DZIP1: variants seen among roughly 807,000 people sequenced by gnomAD.
DZIP1 encodes the protein cilium assembly protein DZIP1.
DZIP1 carries 97 observed loss-of-function variants against 107.6 expected under a neutral mutation model. The observed-to-expected ratio is 0.90, with a 90% confidence interval of 0.77 to 1.07. DZIP1 has a LOEUF of 1.07. Among genes scored for constraint, DZIP1 ranks in the 50% least tolerant of loss-of-function variants. The pLI is 0.00. For missense variants in DZIP1, 1,035 were observed against 1,063.6 expected, an observed-to-expected ratio of 0.97 and a Z score of 0.37; for synonymous variants, 390 against 386.4, an observed-to-expected ratio of 1.01 and a Z score of -0.11.
chr13:95,587,655 A>G lies in DZIP1; in HGVS notation c.2102T>C (p.Leu701Pro). The G allele has an allele frequency of 6.2e-7, 1 of 1,614,048 alleles. No homozygotes were observed. Among genetic ancestry groups the G allele is most frequent in the Non-Finnish European group, 8.5e-7 (1 of 1,179,986 alleles). The change falls in exon 20 of 23, where the codon CTT becomes CCT. Residue 701 changes from leucine (L) to proline (P), a missense_variant. Leu to Pro is a moderately conservative substitution (Grantham distance 98). Transcript: ENST00000376829. ...CTTGTTTTGTGGTGGCGGCACAGGAAGTGGGCCTGGGGATGCGTATGCCCG... is the reference window on the plus strand; with the variant it reads ...CTTGTTTTGTGGTGGCGGCACAGGAGGTGGGCCTGGGGATGCGTATGCCCG... ...LIRAYASPGPLPVPPPQNKGS... is the reference protein window; with the variant it reads ...LIRAYASPGPPPVPPPQNKGS...
At chr13:95,617,204 C>T (rs1875212188) in intron 10 of DZIP1, among the ~76,000 whole-genome samples, 1 of 137,036 alleles carries the variant, frequency 7.3e-6, no homozygotes, top group Non-Finnish European at 1.7e-5. Flanking sequence ...TCTGTCTCAC[C>T]CCAAAAAAAA....
In DZIP1 at chr13:95,642,126, C is replaced by A. The variant is rs1878608859; in HGVS notation, c.-97G>T. 19 of 1,407,532 alleles carry A rather than the reference C, an allele frequency of 1.3e-5. No individual in the cohort carries two copies. Among genetic ancestry groups the A allele is most frequent in the Non-Finnish European group, 1.7e-5 (18 of 1,082,860 alleles). 87.2% of individuals were successfully genotyped at this position (1,407,532 alleles called of 1,614,324 possible). On this transcript the variant is annotated 5_prime_UTR_variant, in exon 4 of 23. Coordinates refer to ENST00000376829, the MANE Select transcript of DZIP1 (RefSeq NM_198968.4). The stretch of plus-strand genomic sequence containing the variant: ...GGGAGAAGGCCGGGTTCCTCGCTTC[C>A]GCGGCGGCGGCGGCCTAAGGTCTGG...
At chr13:95,600,270 G>A (rs1405495331) in intron 14 of DZIP1, among the ~76,000 whole-genome samples, 1 of 152,132 alleles carries the variant, frequency 6.6e-6, no homozygotes, top group Non-Finnish European at 1.5e-5. Context: ...AGCAAAGTTG[G>A]TGCATGGTTC....
intron 15 of DZIP1, 99 bp from the exon 16 acceptor site, chr13:95,594,185 G>GT: frequency 7.4e-6 from 7 of 946,602 alleles, no homozygotes; most frequent in Non-Finnish European, 1.1e-5. Flanking sequence ...TAAGCAGCAA[G>GT]TAAGTATTTG....
chr13:95,585,966 G>C, intron 21 of DZIP1, 40 bp downstream of exon 21: 2 of 1,558,754 alleles, frequency 1.3e-6, no homozygotes, highest in Non-Finnish European at 1.7e-6. Context: ...GCTGTCCAAA[G>C]ACAAATTTAT....
At chr13:95,596,593 T>C (rs1234187433) in intron 15 of DZIP1, among the ~76,000 whole-genome samples, 3 of 152,182 alleles carry the variant, frequency 2.0e-5, no homozygotes, top group Non-Finnish European at 2.9e-5. Context: ...CTATGGACAG[T>C]AGAAAACCTG....
chr13:95,635,022 G>A (rs116172240), intron 5 of DZIP1, among the ~76,000 whole-genome samples: 2,196 of 151,488 alleles, frequency 0.014, 41 homozygotes, highest in African/African-American at 0.05. Flanking sequence ...CTATCCTTTT[G>A]CTGAAGGGGC....
chr13:95,615,252 A>G (rs73548734), intron 10 of DZIP1, among the ~76,000 whole-genome samples: 4 of 152,302 alleles, frequency 2.6e-5, no homozygotes, highest in South Asian at 2.1e-4. Context: ...CTCGCTTTCT[A>G]TTCCAGCCAG....
intron 6 of DZIP1, chr13:95,630,945 C>A: frequency 3.3e-6 from 1 of 300,172 alleles, no homozygotes; most frequent in Non-Finnish European, 6.5e-6. Context: ...TAAAATATTT[C>A]ATCTTTCCAA....
Position 95,622,587 on chromosome 13 carries a change from TTGGACGCTCC to T in DZIP1, c.973-117_973-108del, listed in dbSNP as rs1427338150. On this transcript the variant is annotated intron_variant, in intron 8 of 22. Coordinates refer to ENST00000376829, the MANE Select transcript of DZIP1 (RefSeq NM_198968.4). ...CTGTGTTTTAAATCTGACTGCCCTC[TTGGACGCTCC>T]TGGACGCTCTTGGACGCTTCTCCTG... 1.3e-4 allele frequency: 177 copies of T among 1,334,816 alleles called. No individual in the cohort carries two copies. The South Asian group carries it at 2.1e-3, about 16-fold the overall frequency. The allele number at this position is 1,334,816 out of a possible 1,614,324, so 82.7% of individuals were successfully genotyped here. A position where few individuals can be genotyped will look rare whatever the true frequency, so the allele number is the denominator to read the frequency against.
At chr13:95,621,142 C>A (rs7324901) in intron 9 of DZIP1, among the ~76,000 whole-genome samples, 5 of 149,830 alleles carry the variant, frequency 3.3e-5, no homozygotes, top group Admixed American at 6.6e-5. Context: ...TACCTGCCCC[C>A]CTGGCTGAAT....
chr13:95,608,812 G>A (rs1013685622), intron 13 of DZIP1, among the ~76,000 whole-genome samples: 9 of 152,160 alleles, frequency 5.9e-5, no homozygotes, highest in Admixed American at 1.3e-4. Context: ...GCCCATGAGC[G>A]TGGTGCTGTC....
At chr13:95,585,122 G>C (rs1003448165) in intron 21 of DZIP1, among the ~76,000 whole-genome samples, 3 of 152,114 alleles carry the variant, frequency 2.0e-5, no homozygotes, top group African/African-American at 7.2e-5. Flanking sequence ...TTTCGTTTCT[G>C]CCATGGAAAT....
chr13:95,634,672 T>C (rs1877587415), intron 5 of DZIP1, among the ~76,000 whole-genome samples: 1 of 152,254 alleles, frequency 6.6e-6, no homozygotes, highest in Non-Finnish European at 1.5e-5. Context: ...TCCTGGATAT[T>C]ATATATTTCA....
At chr13:95,633,752 C>T (rs759385438) in intron 5 of DZIP1, among the ~76,000 whole-genome samples, 61 of 150,814 alleles carry the variant, frequency 4.0e-4, no homozygotes, top group Non-Finnish European at 7.2e-4. Flanking sequence ...CTGAACGATA[C>T]CATCCTAGCA....
chr13:95,594,612 C>T (rs2138877697), intron 15 of DZIP1, among the ~76,000 whole-genome samples: 1 of 152,104 alleles, frequency 6.6e-6, no homozygotes, highest in African/African-American at 2.4e-5. Flanking sequence ...TTAGCCTGAA[C>T]AACATAGCGA....
chr13:95,590,212 G>A, intron 17 of DZIP1, 67 bp downstream of exon 17: 1 of 1,399,004 alleles, frequency 7.1e-7, no homozygotes, highest in Non-Finnish European at 9.7e-7. Context: ...ATCTTGTGGT[G>A]AAAAAAGAAG....
chr13:95,637,865 A>G (rs560009830), intron 5 of DZIP1, among the ~76,000 whole-genome samples: 1 of 152,304 alleles, frequency 6.6e-6, no homozygotes, highest in Admixed American at 6.5e-5. Context: ...TAAGTATAAT[A>G]TCATTTATAG....
At chr13:95,608,406 C>T (rs1594684898) in intron 13 of DZIP1, among the ~76,000 whole-genome samples, 1 of 150,484 alleles carries the variant, frequency 6.6e-6, no homozygotes, top group Non-Finnish European at 1.5e-5. Flanking sequence ...ATTTTGCATA[C>T]TCCATTTGGA....
Sources: gnomAD v4.1 joint callset for allele counts (sites outside exome capture counted in the v4.1 genomes callset) on GRCh38, gnomAD v4.1.1 for gene constraint, MANE v1.5 for transcripts, NCBI Gene and HGNC (gene_info 2026-07-23, HGNC 2026-07-21) for gene names.